SH3RF3: variants seen among roughly 807,000 people sequenced by gnomAD.
The protein encoded by SH3RF3 is SH3 domain containing ring finger 3.
Under a neutral mutation model 66.3 loss-of-function variants are expected in SH3RF3, and 29 were observed. The observed-to-expected ratio is 0.44, with a 90% CI of 0.33 to 0.60. The LOEUF (loss-of-function observed/expected upper bound fraction) is 0.60, where lower values mean the gene tolerates loss of function less well. Ranked by LOEUF, SH3RF3 falls within the 20% of genes least tolerant of loss-of-function variation. The pLI, the probability that SH3RF3 is intolerant of heterozygous loss-of-function variation, is 0.04. For missense variants in SH3RF3, 1,194 were observed against 1,190.9 expected (o/e 1.00, Z -0.04); for synonymous variants, 583 against 532.0 (o/e 1.10, Z -1.32).
intron 1 of SH3RF3, among the ~76,000 whole-genome samples, chr2:109,178,712 A>G (rs989900587): frequency 6.6e-6 from 1 of 152,222 alleles, no homozygotes; most frequent in Non-Finnish European, 1.5e-5. Flanking sequence ...TCGTTCACAT[A>G]GATCTAATTA....
At chr2:109,489,415 A>T (rs1023711863) in intron 8 of SH3RF3, among the ~76,000 whole-genome samples, 1 of 152,204 alleles carries the variant, frequency 6.6e-6, no homozygotes, top group Non-Finnish European at 1.5e-5. Context: ...CTCTTAGACA[A>T]CCAGACCCCA....
intron 1 of SH3RF3, among the ~76,000 whole-genome samples, chr2:109,190,777 T>C (rs7595369): frequency 0.82 from 124,340 of 151,972 alleles, 51,001 homozygotes; most frequent in East Asian, 0.89. Flanking sequence ...ATGGGATCAC[T>C]CATAGGTGTT....
In SH3RF3 at chr2:109,176,369, GAGAGAACACC is replaced by G. The variant is rs370550943; in HGVS notation, c.573+46258_573+46267del. On this transcript the variant is annotated intron_variant, in intron 1 of 9. Transcript: ENST00000309415. ...CAGCTGAGCAGCAGTGAGATACTCT[GAGAGAACACC>G]ATGTGCAATGGAATGCTGTGTTTTT... is the stretch of plus-strand genomic sequence containing the variant. Among the ~76,000 whole-genome samples, 122 of 152,160 alleles carry G rather than the reference GAGAGAACACC, an allele frequency of 8.0e-4. 1 individual carries two copies. Among genetic ancestry groups the G allele is most frequent in the Middle Eastern group, 3.4e-3 (1 of 294 alleles).
In SH3RF3 at chr2:109,332,319, T is replaced by G. The variant is rs1042059385; in HGVS notation, c.574-15355T>G. Among the ~76,000 whole-genome samples, 9 of 152,086 alleles carry G rather than the reference T, an allele frequency of 5.9e-5. No individual in the cohort carries two copies. In the South Asian group the frequency reaches 6.2e-4, roughly 11 times the overall value. On this transcript the variant is annotated intron_variant, in intron 1 of 9. Transcript: ENST00000309415. ...TCCTGAGAGAGCTCCTCCTCCTGAT[T>G]CTGTGTTCTGAGAGTTGCGCCCAGG...
intron 1 of SH3RF3, among the ~76,000 whole-genome samples, chr2:109,325,018 G>A (rs186893319): frequency 2.7e-5 from 4 of 149,930 alleles, no homozygotes; most frequent in South Asian, 2.2e-4. Flanking sequence ...TTTGGCTTGC[G>A]TAAGAGATGT....
intron 1 of SH3RF3, among the ~76,000 whole-genome samples, chr2:109,320,799 G>T (rs1480317471): frequency 6.6e-6 from 1 of 152,200 alleles, no homozygotes; most frequent in Non-Finnish European, 1.5e-5. Flanking sequence ...TGCTTTGCTT[G>T]CTGTACATGG....
intron 8 of SH3RF3, among the ~76,000 whole-genome samples, chr2:109,476,686 G>A (rs182159922): frequency 3.7e-4 from 57 of 152,328 alleles, no homozygotes; most frequent in African/African-American, 1.2e-3. Flanking sequence ...AAAGAATTCA[G>A]GGTGAGTCTG....
intron 1 of SH3RF3, among the ~76,000 whole-genome samples, chr2:109,239,165 G>C (rs369101921): frequency 1.2e-3 from 190 of 152,218 alleles, no homozygotes; most frequent in African/African-American, 4.3e-3. Flanking sequence ...AGCTTCCCCA[G>C]ACCTCTTTCT....
chr2:109,371,557 T>TTGTG, intron 2 of SH3RF3, 29 bp from the exon 3 acceptor site: 1 of 1,598,908 alleles, frequency 6.3e-7, no homozygotes, highest in Non-Finnish European at 8.6e-7. Context: ...GTCCGTATGC[T>TTGTG]TGTGTCCACG....
chr2:109,286,694 CA>C (rs1187004233), intron 1 of SH3RF3, among the ~76,000 whole-genome samples: 1 of 152,190 alleles, frequency 6.6e-6, no homozygotes, highest in Non-Finnish European at 1.5e-5. Flanking sequence ...CATCTGCTAG[CA>C]AAACCTGCTT....
chr2:109,264,517 A>G (rs1680442063), intron 1 of SH3RF3, among the ~76,000 whole-genome samples: 1 of 152,276 alleles, frequency 6.6e-6, no homozygotes, highest in Non-Finnish European at 1.5e-5. Flanking sequence ...TAGATAGAAG[A>G]TGGCAAAGTG....
intron 3 of SH3RF3, among the ~76,000 whole-genome samples, chr2:109,385,101 C>T (rs1407260533): frequency 2.0e-5 from 3 of 152,222 alleles, no homozygotes; most frequent in Admixed American, 1.3e-4. Flanking sequence ...TCCTCTGTCC[C>T]TCTGACAGGC....
At chr2:109,327,732 C>T (rs950635400) in intron 1 of SH3RF3, among the ~76,000 whole-genome samples, 1 of 152,154 alleles carries the variant, frequency 6.6e-6, no homozygotes, top group Non-Finnish European at 1.5e-5. Flanking sequence ...AAAATAGCAA[C>T]AAAAATATAA....
At chr2:109,346,121 T>G (rs1470914071) in intron 1 of SH3RF3, among the ~76,000 whole-genome samples, 1 of 152,234 alleles carries the variant, frequency 6.6e-6, no homozygotes, top group Non-Finnish European at 1.5e-5. Flanking sequence ...TGGGGCTCGT[T>G]ACACACTATT....
chr2:109,375,262 G>T (rs1269448908), intron 3 of SH3RF3, among the ~76,000 whole-genome samples: 1 of 152,222 alleles, frequency 6.6e-6, no homozygotes, highest in African/African-American at 2.4e-5. Context: ...CCATGCCCTG[G>T]AACCTGCCTC....
intron 1 of SH3RF3, among the ~76,000 whole-genome samples, chr2:109,195,832 C>T (rs955877060): frequency 1.5e-4 from 23 of 152,268 alleles, no homozygotes; most frequent in East Asian, 5.8e-4. Context: ...TGATTTGTGT[C>T]GCCTGATCCC....
At chr2:109,185,741 A>T (rs1216375087) in intron 1 of SH3RF3, among the ~76,000 whole-genome samples, 1 of 151,884 alleles carries the variant, frequency 6.6e-6, no homozygotes, top group Non-Finnish European at 1.5e-5. Flanking sequence ...GACAGACAAA[A>T]CTCATCCAGG....
intron 5 of SH3RF3, among the ~76,000 whole-genome samples, chr2:109,420,219 T>C (rs748238257): frequency 6.6e-6 from 1 of 152,226 alleles, no homozygotes; most frequent in Non-Finnish European, 1.5e-5. Context: ...AATTTTAAAA[T>C]TCCCCATTTA....
At chr2:109,346,128 T>G (rs1175024877) in intron 1 of SH3RF3, among the ~76,000 whole-genome samples, 1 of 152,194 alleles carries the variant, frequency 6.6e-6, no homozygotes, top group East Asian at 1.9e-4. Flanking sequence ...CGTTACACAC[T>G]ATTGTGCTCG....
Sources: allele counts gnomAD v4.1 joint callset (sites outside exome capture counted in the v4.1 genomes callset), GRCh38; gene constraint gnomAD v4.1.1; transcripts MANE v1.5; gene names NCBI Gene and HGNC (gene_info 2026-07-23, HGNC 2026-07-21).